The following CBFA2T3 variants were observed in gnomAD, a reference collection of about 807,000 sequenced individuals.
The protein encoded by CBFA2T3 is transcriptional corepressor CBFA2T3.
A neutral mutation model predicts 58.6 loss-of-function variants in CBFA2T3; 31 were observed. The observed-to-expected ratio is 0.53, with a 90% CI of 0.40 to 0.71. The LOEUF is 0.71. Among genes scored for constraint, CBFA2T3 ranks in the 30% least tolerant of loss-of-function variants. The probability of loss-of-function intolerance (pLI) is 0.00; values close to 1 mark genes in which losing one functional copy is unlikely to be tolerated. For synonymous variants in CBFA2T3, 531 were observed against 421.9 expected, an observed-to-expected ratio of 1.26 and a Z score of -3.17; for missense variants, 1,076 against 963.1, an observed-to-expected ratio of 1.12 and a Z score of -1.55.
intron 1 of CBFA2T3, among the ~76,000 whole-genome samples, chr16:88,908,842 C>T (rs766384734): frequency 2.6e-5 from 4 of 152,256 alleles, no homozygotes; most frequent in Admixed American, 1.3e-4. Flanking sequence ...AACATAGCCA[C>T]GGTGATGACG....
At chr16:88,884,855 G>A (rs1381716389) in intron 7 of CBFA2T3, 191 bp downstream of exon 7, 1 of 513,470 alleles carries the variant, frequency 1.9e-6, no homozygotes, top group Non-Finnish European at 3.4e-6. Flanking sequence ...GTGGGTTCAG[G>A]GCCCAGGACA....
At chr16:88,924,328 G>C (rs1027795170) in intron 1 of CBFA2T3, among the ~76,000 whole-genome samples, 1 of 152,220 alleles carries the variant, frequency 6.6e-6, no homozygotes, top group Non-Finnish European at 1.5e-5. Context: ...CAGTCGCCCT[G>C]CACAAGCTCC....
intron 1 of CBFA2T3, among the ~76,000 whole-genome samples, chr16:88,971,454 C>G (rs1267633562): frequency 6.6e-6 from 1 of 152,154 alleles, no homozygotes; most frequent in Non-Finnish European, 1.5e-5. Context: ...CTCTGCCCAC[C>G]TGAGAGAGCT....
At chr16:88,901,458 T>A in intron 2 of CBFA2T3, 46 bp downstream of exon 2, 1 of 1,059,796 alleles carries the variant, frequency 9.4e-7, no homozygotes, top group Non-Finnish European at 1.3e-6. Flanking sequence ...CACAAGGGCC[T>A]CCCCTGAAAC....
intron 1 of CBFA2T3, among the ~76,000 whole-genome samples, chr16:88,905,991 C>CT (rs928584049): frequency 1.1e-4 from 16 of 151,200 alleles, no homozygotes; most frequent in Admixed American, 7.2e-4. Context: ...GCCTGGCTTC[C>CT]TCGGGCAAGC....
chr16:88,880,901 T>C, intron 9 of CBFA2T3, 113 bp from the exon 10 acceptor site: 1 of 999,740 alleles, frequency 1.0e-6, no homozygotes, highest in Non-Finnish European at 1.5e-6. Context: ...TGTGCGTCCC[T>C]GGGGGGAGGC....
chr16:88,896,533 G>A lies in CBFA2T3; in HGVS notation c.379+1545C>T, dbSNP rs1278669488. On this transcript the variant is annotated intron_variant, in intron 3 of 11. Coordinates refer to ENST00000268679, the MANE Select transcript of CBFA2T3 (RefSeq NM_005187.6). Reference sequence around the variant, plus strand: ...GAGCCTCTGTCCGGAGGACCCCACCGCGCTGCCGAGTTTCCCTCTCAATGG... The same window carrying A: ...GAGCCTCTGTCCGGAGGACCCCACCACGCTGCCGAGTTTCCCTCTCAATGG... Among the ~76,000 whole-genome samples, 4 of 152,284 alleles carry A rather than the reference G, an allele frequency of 2.6e-5. No homozygotes were observed. The East Asian group carries it at 5.8e-4, about 22-fold the overall frequency.
chr16:88,951,214 C>T (rs1972062612), intron 1 of CBFA2T3: 1 of 425,610 alleles, frequency 2.3e-6, no homozygotes, highest in Admixed American at 2.5e-5. Flanking sequence ...CACCCGTCCC[C>T]TGGACCGGCA....
At chr16:88,890,925 G>A (rs183026414) in intron 5 of CBFA2T3, among the ~76,000 whole-genome samples, 1 of 152,276 alleles carries the variant, frequency 6.6e-6, no homozygotes, top group Admixed American at 6.5e-5. Flanking sequence ...TGTTGCCCAG[G>A]CTGGTCTTGA....
intron 9 of CBFA2T3, 99 bp from the exon 10 acceptor site, chr16:88,880,887 A>T (rs1319346468): frequency 1.2e-5 from 13 of 1,119,886 alleles, no homozygotes; most frequent in African/African-American, 3.1e-5. Context: ...GCAGGGCGTG[A>T]GTGTGTGCGT....
intron 1 of CBFA2T3, among the ~76,000 whole-genome samples, chr16:88,934,335 G>A (rs1008107442): frequency 1.3e-5 from 2 of 152,254 alleles, no homozygotes; most frequent in Non-Finnish European, 1.5e-5. Flanking sequence ...CTCCATGCAC[G>A]TTCCCGAACA....
At chr16:88,917,274 A>T (rs1207505852) in intron 1 of CBFA2T3, among the ~76,000 whole-genome samples, 1 of 152,114 alleles carries the variant, frequency 6.6e-6, no homozygotes, top group African/African-American at 2.4e-5. Context: ...GGAGCGGAGA[A>T]CCTTCCAGGA....
chr16:88,912,166 C>G (rs536677177), intron 1 of CBFA2T3, among the ~76,000 whole-genome samples: 2 of 152,276 alleles, frequency 1.3e-5, no homozygotes, highest in African/African-American at 4.8e-5. Context: ...CAACCCACTA[C>G]GTGGCTCCAG....
chr16:88,881,136 A>C, intron 9 of CBFA2T3, 155 bp downstream of exon 9: 1 of 777,532 alleles, frequency 1.3e-6, no homozygotes, highest in Non-Finnish European at 2.2e-6. Context: ...CTGGCAGACC[A>C]GCCCGTGTTT....
At chr16:88,911,498 G>A (rs941271556) in intron 1 of CBFA2T3, among the ~76,000 whole-genome samples, 1 of 152,218 alleles carries the variant, frequency 6.6e-6, no homozygotes, top group Non-Finnish European at 1.5e-5. Context: ...CATCTCTGGC[G>A]ATCTGAAGGA....
chr16:88,893,700 C>T (rs1340419042), intron 3 of CBFA2T3, among the ~76,000 whole-genome samples: 8 of 152,208 alleles, frequency 5.3e-5, no homozygotes, highest in Admixed American at 4.6e-4. Context: ...CCTGGCTGGC[C>T]CTGCTATTGG....
intron 1 of CBFA2T3, among the ~76,000 whole-genome samples, chr16:88,975,220 C>CACATCTTTAGCCATG (rs1567644098): frequency 3.4e-4 from 44 of 127,870 alleles, no homozygotes; most frequent in Middle Eastern, 4.2e-3. Flanking sequence ...CCCTCTGCTC[C>CACATCTTTAGCCATG]TCACCTGCAG....
At chr16:88,890,143 C>A (rs1429676097) in intron 5 of CBFA2T3, among the ~76,000 whole-genome samples, 1 of 152,166 alleles carries the variant, frequency 6.6e-6, no homozygotes, top group African/African-American at 2.4e-5. Context: ...CTAGAACATG[C>A]CTCACCTCCC....
chr16:88,929,846 C>T (rs1333388991), intron 1 of CBFA2T3, among the ~76,000 whole-genome samples: 10 of 150,854 alleles, frequency 6.6e-5, no homozygotes, highest in Admixed American at 1.3e-4. Context: ...GCATCATCCA[C>T]GCAAAAGCTA....
Sources: allele counts gnomAD v4.1 joint callset (sites outside exome capture counted in the v4.1 genomes callset), GRCh38; gene constraint gnomAD v4.1.1; transcripts MANE v1.5; gene names NCBI Gene and HGNC (gene_info 2026-07-23, HGNC 2026-07-21).